The following KLHDC8A variants were observed in gnomAD, a reference collection of about 807,000 sequenced individuals.
The protein encoded by KLHDC8A is kelch domain containing 8A.
A neutral mutation model predicts 33.1 loss-of-function variants in KLHDC8A; 21 were observed. That is an observed-to-expected ratio of 0.64 (90% CI 0.45 to 0.91). The LOEUF (loss-of-function observed/expected upper bound fraction) is 0.91. Among genes scored for constraint, KLHDC8A ranks in the 40% least tolerant of loss-of-function variants. The pLI is 0.00. For synonymous variants in KLHDC8A, 173 were observed against 193.5 expected, an observed-to-expected ratio of 0.89 and a Z score of 0.88; for missense variants, 435 against 483.3, an observed-to-expected ratio of 0.90 and a Z score of 0.94.
At chr1:205,342,040 G>A (rs951783880) in intron 2 of KLHDC8A, among the ~76,000 whole-genome samples, 10 of 152,228 alleles carry the variant, frequency 6.6e-5, no homozygotes, top group African/African-American at 2.4e-4. Flanking sequence ...ACACAGGCAT[G>A]TAAATGCTTA....
Position 205,339,142 on chromosome 1 carries a change from G to A in KLHDC8A, c.757+52C>T. 2 of 1,502,932 alleles carry A rather than the reference G, an allele frequency of 1.3e-6. No homozygotes were observed. Among genetic ancestry groups the A allele is most frequent in the Admixed American group, 1.7e-5 (1 of 58,554 alleles). The allele number at this position is 1,502,932 out of a possible 1,614,324, so 93.1% of individuals were successfully genotyped here. On this transcript the variant is annotated intron_variant, in intron 4 of 5. Coordinates refer to ENST00000367155, the MANE Select transcript of KLHDC8A (RefSeq NM_018203.3). The surrounding 1 kb of genome is among the most constrained non-coding windows in gnomAD (Gnocchi z 5.1). ...AATAGGGGTAAGGGATGGGGAGCCA[G>A]CCAGAAGGGCAGTGGGCAGCCAGAG...
At position 205,339,445 on chromosome 1, in the gene KLHDC8A, G is replaced by T. The variant is rs765107106; in HGVS notation, c.542-36C>A. On this transcript the variant is annotated intron_variant, in intron 3 of 5. Coordinates refer to ENST00000367155, the MANE Select transcript of KLHDC8A (RefSeq NM_018203.3). This position sits in a 1 kb window ranked among gnomAD's most constrained non-coding sequence, Gnocchi z 5.1. ...GAGCAGGATAGAGGTTGGGCAGAAG[G>T]GTTGTCCCTGAGGACAGCGACAGTG... 6.3e-7 allele frequency: 1 copy of T among 1,586,062 alleles called. No individual in the cohort carries two copies. The highest frequency in any genetic ancestry group is 1.3e-5 in the African/African-American group (1 of 74,406).
rs1225969047 is a variant in KLHDC8A, at chr1:205,338,570, A to G, written c.784T>C (p.Phe262Leu). ...TCTGCCCGCCGCTTCTTGAGGAAGA[A>G]CGATCGTTCCATCTTCAGCCATCCC... ...QGGWLKMERS[F>L]FLKKRRADFV... Residue 262 changes from phenylalanine (F) to leucine (L), a missense_variant, in exon 5 of 6, where the codon TTC becomes CTC. By Grantham distance (22) the Phe-to-Leu change is conservative. Transcript: ENST00000367155. 38 of 1,614,142 alleles carry G rather than the reference A, an allele frequency of 2.4e-5. No homozygotes were observed. The highest frequency in any genetic ancestry group is 3.2e-5 in the Non-Finnish European group (38 of 1,180,000).
intron 1 of KLHDC8A, among the ~76,000 whole-genome samples, chr1:205,355,450 A>G (rs1663240420): frequency 6.6e-6 from 1 of 152,188 alleles, no homozygotes; most frequent in Non-Finnish European, 1.5e-5. Flanking sequence ...AACTTCATCT[A>G]TAACTATGTT....
intron 1 of KLHDC8A, among the ~76,000 whole-genome samples, chr1:205,353,413 G>A (rs1239665799): frequency 3.3e-5 from 5 of 152,200 alleles, no homozygotes; most frequent in East Asian, 1.9e-4. Flanking sequence ...AACAGAGAGC[G>A]CATGGCCCGC....
Position 205,337,047 on chromosome 1 carries a change from G to C in KLHDC8A, c.*352C>G, listed in dbSNP as rs984808149. ...GACAGCAACAGCAGTCTATCCTCTC[G>C]GTCAGAACTGCTCTACCTGCCTCCT... On this transcript the variant is annotated 3_prime_UTR_variant, in exon 6 of 6. Transcript: ENST00000367155. 7 of 274,604 alleles carry C rather than the reference G, an allele frequency of 2.5e-5. No individual in the cohort carries two copies. Among genetic ancestry groups the C allele is most frequent in the African/African-American group, 1.1e-4 (5 of 44,146 alleles). The allele number at this position is 274,604 out of a possible 1,614,324, so 17.0% of individuals were successfully genotyped here. A position where few individuals can be genotyped will look rare whatever the true frequency, so the allele number is the denominator to read the frequency against.
At position 205,343,284 on chromosome 1, in the gene KLHDC8A, C is replaced by T. The variant is rs763430997; in HGVS notation, c.321G>A (p.Trp107Ter). The change falls in exon 2 of 6, where the codon TGG (tryptophan) becomes TGA (stop). Residue 107 changes from tryptophan to a stop codon, truncating the protein, a stop_gained. Coordinates refer to ENST00000367155, the MANE Select transcript of KLHDC8A (RefSeq NM_018203.3). LOFTEE classifies it high-confidence loss of function. The stretch of plus-strand genomic sequence containing the variant: ...CCTCACGCAGCATGCTCCTCTTCTT[C>T]CACTTGCCCTCATCGATGTTGTACA... ...VEMYNIDEGK[W>*]KKRSMLREAA... 7.4e-6 allele frequency: 12 copies of T among 1,611,148 alleles called. No individual in the cohort carries two copies. The highest frequency in any genetic ancestry group is 1.0e-5 in the Non-Finnish European group (12 of 1,178,308).
Position 205,337,324 on chromosome 1 carries a change from G to T in KLHDC8A, c.*75C>A. On this transcript the variant is annotated 3_prime_UTR_variant, in exon 6 of 6. Coordinates refer to ENST00000367155, the MANE Select transcript of KLHDC8A (RefSeq NM_018203.3). ...GACATTCTTGGAAGTAGCCCCGACT[G>T]CTTGGACAAGATCATTCCTCATGTT... 7.8e-7 allele frequency: 1 copy of T among 1,290,174 alleles called. No individual in the cohort carries two copies. Among genetic ancestry groups the T allele is most frequent in the Non-Finnish European group, 1.1e-6 (1 of 894,398 alleles). The allele number at this position is 1,290,174 out of a possible 1,614,324, so 79.9% of individuals were successfully genotyped here.
intron 1 of KLHDC8A, among the ~76,000 whole-genome samples, chr1:205,346,884 T>C: frequency 6.6e-6 from 1 of 152,190 alleles, no homozygotes. Context: ...CTGCCCATAC[T>C]GTTTGTGCCA....
At chr1:205,341,044 G>A (rs1662775370) in intron 2 of KLHDC8A, among the ~76,000 whole-genome samples, 1 of 152,158 alleles carries the variant, frequency 6.6e-6, no homozygotes, top group African/African-American at 2.4e-5. Flanking sequence ...AGAGAGTACT[G>A]GTCCCTTTAA....
chr1:205,338,340 G>A (rs2102277571), intron 5 of KLHDC8A, among the ~76,000 whole-genome samples, 155 bp downstream of exon 5: 1 of 152,336 alleles, frequency 6.6e-6, no homozygotes, highest in African/African-American at 2.4e-5. Context: ...GTAATATCTA[G>A]GCTGGAAGAA....
At chr1:205,343,931 A>C in intron 1 of KLHDC8A, 138 bp from the exon 2 acceptor site, 1 of 288,554 alleles carries the variant, frequency 3.5e-6, no homozygotes, top group Non-Finnish European at 6.5e-6. Flanking sequence ...GCAGCACCAC[A>C]CCCTGCACTG....
At chr1:205,341,840 C>T (rs1409613871) in intron 2 of KLHDC8A, among the ~76,000 whole-genome samples, 3 of 152,076 alleles carry the variant, frequency 2.0e-5, no homozygotes, top group African/African-American at 4.8e-5. Flanking sequence ...TTAGTAGAGA[C>T]GGGTTTCACC....
chr1:205,356,119 A>G (rs529043619), intron 1 of KLHDC8A, among the ~76,000 whole-genome samples: 9 of 122,972 alleles, frequency 7.3e-5, no homozygotes, highest in Admixed American at 3.0e-4. Context: ...CCCAGTGTCT[A>G]TTGTTCCCAT....
intron 1 of KLHDC8A, among the ~76,000 whole-genome samples, chr1:205,352,963 C>T (rs7516786): frequency 2.6e-5 from 4 of 152,206 alleles, no homozygotes; most frequent in Non-Finnish European, 5.9e-5. Context: ...AGCTGCCCCC[C>T]ACGAGGAACC....
chr1:205,344,930 C>A (rs994006316), intron 1 of KLHDC8A, among the ~76,000 whole-genome samples: 3 of 152,172 alleles, frequency 2.0e-5, no homozygotes, highest in African/African-American at 4.8e-5. Context: ...CCACCACCGC[C>A]ACCATCACCC....
rs779537468 is a variant in KLHDC8A at position 205,337,600 on chromosome 1, T to C, written c.860-8A>G. The C allele has an allele frequency of 1.9e-6, 3 of 1,600,914 alleles. No homozygotes were observed. Among genetic ancestry groups the C allele is most frequent in the Non-Finnish European group, 1.7e-6 (2 of 1,171,846 alleles). ...GGACAGTGGGTTGATTCCCTGAAAG[T>C]GTCAAGGGAATCAGACCTTACAAAG... On this transcript the variant is annotated splice_polypyrimidine_tract_variant and splice_region_variant and intron_variant, in intron 5 of 5. Transcript: ENST00000367155.
chr1:205,343,759 G>A lies in KLHDC8A; in HGVS notation c.-155C>T. ...CCCGGCCAGTGCTTCACCGTGCCCC[G>A]AGTCTCAGCGGTCCGGCGGCGTCCA... On this transcript the variant is annotated 5_prime_UTR_variant, in exon 2 of 6. Coordinates refer to ENST00000367155, the MANE Select transcript of KLHDC8A (RefSeq NM_018203.3). The A allele has an allele frequency of 2.4e-6, 2 of 818,434 alleles. No individual in the cohort carries two copies. The highest frequency in any genetic ancestry group is 3.6e-6 in the Non-Finnish European group (2 of 548,022). 50.7% of individuals were successfully genotyped at this position (818,434 alleles called of 1,614,324 possible).
At chr1:205,346,207 TG>T (rs1662943339) in intron 1 of KLHDC8A, among the ~76,000 whole-genome samples, 1 of 152,192 alleles carries the variant, frequency 6.6e-6, no homozygotes, top group African/African-American at 2.4e-5. Context: ...TCCAAAAGCA[TG>T]GGGTGTGAAT....
Sources: allele counts gnomAD v4.1 joint callset (sites outside exome capture counted in the v4.1 genomes callset), GRCh38; gene constraint gnomAD v4.1.1; non-coding constraint Gnocchi (gnomAD v3.1); transcripts MANE v1.5; gene names NCBI Gene and HGNC (gene_info 2026-07-23, HGNC 2026-07-21).